FAM117A: variants seen among roughly 807,000 people sequenced by gnomAD.
FAM117A encodes protein FAM117A.
FAM117A carries 21 observed loss-of-function variants against 44.1 expected under a neutral mutation model. That is an observed-to-expected ratio of 0.48 (90% CI 0.34 to 0.69). FAM117A has a LOEUF of 0.69. Ranked by LOEUF, FAM117A falls within the 30% of genes least tolerant of loss-of-function variation. FAM117A has a pLI of 0.01. For synonymous variants in FAM117A, 220 were observed against 238.3 expected (o/e 0.92, Z 0.71); for missense variants, 498 against 589.9 (o/e 0.84, Z 1.61).
Position 49,711,085 on chromosome 17 carries a change from G to A in FAM117A, c.*170C>T, listed in dbSNP as rs1427097935. Reference sequence around the variant, plus strand: ...AAGGCAGGTCCCATCACGTTCAGAGGGGCCGGTGCCCATCAAAAAGAGGAC... The same window carrying A: ...AAGGCAGGTCCCATCACGTTCAGAGAGGCCGGTGCCCATCAAAAAGAGGAC... On this transcript the variant is annotated 3_prime_UTR_variant, in exon 8 of 8. Coordinates refer to ENST00000240364, the MANE Select transcript of FAM117A (RefSeq NM_030802.4). 2 of 615,052 alleles carry A rather than the reference G, an allele frequency of 3.3e-6. No homozygotes were observed. Among genetic ancestry groups the A allele is most frequent in the Non-Finnish European group, 5.4e-6 (2 of 368,122 alleles). 38.1% of individuals were successfully genotyped at this position (615,052 alleles called of 1,614,324 possible).
chr17:49,757,534 G>A (rs1699343938), intron 1 of FAM117A, among the ~76,000 whole-genome samples: 1 of 152,150 alleles, frequency 6.6e-6, no homozygotes, highest in African/African-American at 2.4e-5. Flanking sequence ...AGGAGGTTTG[G>A]TGGGGACCAC....
upstream of FAM117A, among the ~76,000 whole-genome samples, chr17:49,766,826 C>T (rs1356781211): frequency 2.0e-5 from 3 of 152,164 alleles, no homozygotes; most frequent in African/African-American, 7.2e-5. Context: ...AAAAATAAGG[C>T]GACACATTAT....
At chr17:49,723,750 C>T (rs535168019) in intron 2 of FAM117A, among the ~76,000 whole-genome samples, 94 of 152,144 alleles carry the variant, frequency 6.2e-4, no homozygotes, top group Non-Finnish European at 6.6e-4. Flanking sequence ...TGAGAGCAGA[C>T]GGCCGTATGT....
chr17:49,767,343 T>C (rs546096673), upstream of FAM117A, among the ~76,000 whole-genome samples: 15 of 152,380 alleles, frequency 9.8e-5, no homozygotes, highest in Middle Eastern at 3.4e-3. Flanking sequence ...CTTACTGTCA[T>C]GCTTATCAAC....
At chr17:49,729,310 G>A (rs2073574244) in intron 2 of FAM117A, among the ~76,000 whole-genome samples, 1 of 152,138 alleles carries the variant, frequency 6.6e-6, no homozygotes, top group Non-Finnish European at 1.5e-5. Context: ...GAATGCCAGG[G>A]CTGCTGGCTC....
At chr17:49,754,256 G>A (rs578125615) in intron 1 of FAM117A, among the ~76,000 whole-genome samples, 1 of 152,180 alleles carries the variant, frequency 6.6e-6, no homozygotes, top group South Asian at 2.1e-4. Context: ...TATCAGGAGT[G>A]GTTTTCCCAA....
At chr17:49,721,599 C>T (rs1194200452) in intron 3 of FAM117A, among the ~76,000 whole-genome samples, 2 of 152,194 alleles carry the variant, frequency 1.3e-5, no homozygotes, top group East Asian at 1.9e-4. Flanking sequence ...CTTGTAAAGG[C>T]GTGCAGGGTG....
chr17:49,757,587 C>T (rs566071735), intron 1 of FAM117A, among the ~76,000 whole-genome samples: 1 of 152,318 alleles, frequency 6.6e-6, no homozygotes, highest in East Asian at 1.9e-4. Context: ...ACGAGAACCT[C>T]CCACCATCCA....
Position 49,710,738 on chromosome 17 carries a change from A to G in FAM117A, c.*517T>C, listed in dbSNP as rs1228152672. The G allele has an allele frequency of 6.5e-6, 1 of 152,862 alleles. No homozygotes were observed. Among genetic ancestry groups the G allele is most frequent in the Non-Finnish European group, 1.5e-5 (1 of 68,248 alleles). The allele number at this position is 152,862 out of a possible 1,614,324, so 9.5% of individuals were successfully genotyped here. A position where few individuals can be genotyped will look rare whatever the true frequency, so the allele number is the denominator to read the frequency against. On this transcript the variant is annotated 3_prime_UTR_variant, in exon 8 of 8. Coordinates refer to ENST00000240364, the MANE Select transcript of FAM117A (RefSeq NM_030802.4). ...AAAACACTTGTTTCCTCCCTCTGCC[A>G]GCAGCTGAATTGGTCAAGTGTTATG...
chr17:49,787,873 C>T (rs1226494800), intron 1 of FAM117A, among the ~76,000 whole-genome samples: 1 of 152,196 alleles, frequency 6.6e-6, no homozygotes, highest in Non-Finnish European at 1.5e-5. Context: ...ACTCTCTGCT[C>T]AAGCATCTGG....
chr17:49,727,209 C>G (rs2073563887), intron 2 of FAM117A, among the ~76,000 whole-genome samples: 1 of 152,036 alleles, frequency 6.6e-6, no homozygotes, highest in South Asian at 2.1e-4. Flanking sequence ...AGTTCAAGAC[C>G]AGCCTGGTCA....
chr17:49,759,059 C>T (rs1180509787), intron 1 of FAM117A, among the ~76,000 whole-genome samples: 1 of 152,234 alleles, frequency 6.6e-6, no homozygotes, highest in African/African-American at 2.4e-5. Context: ...TGCATTACTG[C>T]TTGCAACTTT....
intron 1 of FAM117A, among the ~76,000 whole-genome samples, chr17:49,779,197 G>C (rs1423098853): frequency 6.6e-6 from 1 of 152,214 alleles, no homozygotes; most frequent in African/African-American, 2.4e-5. Context: ...GGACACTGAA[G>C]GCCAGGGAAG....
rs2143788599 is a variant in FAM117A, at chr17:49,763,879, A to G, written c.196+13T>C. 1.1e-6 allele frequency: 1 copy of G among 950,280 alleles called. No individual in the cohort carries two copies. The highest frequency in any genetic ancestry group is 4.9e-5 in the South Asian group (1 of 20,442). 58.9% of individuals were successfully genotyped at this position (950,280 alleles called of 1,614,324 possible). A position where few individuals can be genotyped will look rare whatever the true frequency, so the allele number is the denominator to read the frequency against. ...TGGCTCCTTCCACGGCACCCGCTCC[A>G]GGCCCGGCTCACCTGCACGGCCACC... On this transcript the variant is annotated intron_variant, in intron 1 of 7. Transcript: ENST00000240364.
intron 5 of FAM117A, among the ~76,000 whole-genome samples, chr17:49,719,261 C>CAA (rs1287097718): frequency 3.0e-5 from 4 of 133,458 alleles, no homozygotes; most frequent in African/African-American, 2.8e-5. Context: ...AACTCCATCT[C>CAA]AAAAAAAAAA....
chr17:49,729,137 A>G (rs1405254293), intron 2 of FAM117A, among the ~76,000 whole-genome samples: 2 of 152,252 alleles, frequency 1.3e-5, no homozygotes, highest in Non-Finnish European at 2.9e-5. Context: ...TCAAGATAGC[A>G]TGCCCGGCTA....
At position 49,711,167 on chromosome 17, in the gene FAM117A, C is replaced by T. The variant is rs2073475392; in HGVS notation, c.*88G>A. 6.9e-6 allele frequency: 9 copies of T among 1,310,722 alleles called. No individual in the cohort carries two copies. The South Asian group carries it at 1.3e-4, about 19-fold the overall frequency. 81.2% of individuals were successfully genotyped at this position (1,310,722 alleles called of 1,614,324 possible). Reference sequence around the variant, plus strand: ...TGCTCGAAGGCCGAGAGGGAAGGGCCCCTCCATACCCCATCTCAGGGGACC... The same window carrying T: ...TGCTCGAAGGCCGAGAGGGAAGGGCTCCTCCATACCCCATCTCAGGGGACC... On this transcript the variant is annotated 3_prime_UTR_variant, in exon 8 of 8. Coordinates refer to ENST00000240364, the MANE Select transcript of FAM117A (RefSeq NM_030802.4).
At chr17:49,779,180 C>G (rs1370168965) in intron 1 of FAM117A, among the ~76,000 whole-genome samples, 1 of 152,128 alleles carries the variant, frequency 6.6e-6, no homozygotes, top group Non-Finnish European at 1.5e-5. Context: ...AGAAGACAGA[C>G]CAGGCAGGAC....
intron 6 of FAM117A, among the ~76,000 whole-genome samples, chr17:49,717,074 A>G (rs1232218256): frequency 6.6e-6 from 1 of 152,196 alleles, no homozygotes; most frequent in African/African-American, 2.4e-5. Context: ...TGGAGTAAAA[A>G]AAAAAAATGA....
Sources: gnomAD v4.1 joint callset for allele counts (sites outside exome capture counted in the v4.1 genomes callset) on GRCh38, gnomAD v4.1.1 for gene constraint, MANE v1.5 for transcripts, NCBI Gene and HGNC (gene_info 2026-07-23, HGNC 2026-07-21) for gene names.